The following FOSL2 variants were observed in gnomAD, a reference collection of about 807,000 sequenced individuals.
FOSL2 encodes the protein FOS like 2, AP-1 transcription factor subunit.
Under a neutral mutation model 27.7 loss-of-function variants are expected in FOSL2, and 3 were observed. The ratio of observed to expected loss-of-function variants is 0.11; its 90% confidence interval spans 0.05 to 0.28. The LOEUF is 0.28. Ranked by LOEUF, FOSL2 falls within the 10% of genes least tolerant of loss-of-function variation. FOSL2 has a pLI of 1.00. For missense variants in FOSL2, 333 were observed against 445.1 expected (o/e 0.75, Z 2.27); for synonymous variants, 179 against 190.1 (o/e 0.94, Z 0.48).
chr2:28,404,023 G>A lies in FOSL2; in HGVS notation c.103-84G>A, dbSNP rs1664026146. On this transcript the variant is annotated intron_variant, in intron 1 of 3. Transcript: ENST00000264716. The surrounding 1 kb of genome is among the most constrained non-coding windows in gnomAD (Gnocchi z 4.7). ...CTGACTGTGCTCTGTGCTGGTTTTT[G>A]CCTCAGCTCTGTTCAATTATTATTA... 1.3e-6 allele frequency: 2 copies of A among 1,520,274 alleles called. No individual in the cohort carries two copies. The highest frequency in any genetic ancestry group is 1.8e-5 in the Admixed American group (1 of 56,820). The allele number at this position is 1,520,274 out of a possible 1,614,324, so 94.2% of individuals were successfully genotyped here.
chr2:28,411,137 G>A (rs1664189010), intron 3 of FOSL2, among the ~76,000 whole-genome samples: 1 of 150,210 alleles, frequency 6.7e-6, no homozygotes, highest in Non-Finnish European at 1.5e-5. Context: ...AAGACAGAGT[G>A]AGACTCTGTC....
chr2:28,413,586 G>A lies in FOSL2; in HGVS notation c.*1138G>A, dbSNP rs897157071. On this transcript the variant is annotated 3_prime_UTR_variant, in exon 4 of 4. Transcript: ENST00000264716. ...GATGGAGAGGCAGGGGAGGGAGGCG[G>A]GAGGCCGTCACTGGAGTGGCGTCTG... The A allele has an allele frequency of 1.5e-5, 6 of 398,682 alleles. No individual in the cohort carries two copies. In the Admixed American group the frequency reaches 1.8e-4, roughly 12 times the overall value. The allele number at this position is 398,682 out of a possible 1,614,324, so 24.7% of individuals were successfully genotyped here.
In FOSL2 at chr2:28,416,028, T is replaced by TA. The variant is rs1238827915; in HGVS notation, c.*3586dup. 6.6e-6 allele frequency: 1 copy of TA among 152,140 alleles called. No individual in the cohort carries two copies. Among genetic ancestry groups the TA allele is most frequent in the Non-Finnish European group, 1.5e-5 (1 of 68,042 alleles). The allele number at this position is 152,140 out of a possible 1,614,324, so 9.4% of individuals were successfully genotyped here. A position where few individuals can be genotyped will look rare whatever the true frequency, so the allele number is the denominator to read the frequency against. Reference sequence around the variant, plus strand: ...GAATATGTGATGTGTGAATTTTCTTTAAAAAACTTAAGGAGTCTTTGCTAC... The same window carrying TA: ...GAATATGTGATGTGTGAATTTTCTTTAAAAAAACTTAAGGAGTCTTTGCTAC... On this transcript the variant is annotated 3_prime_UTR_variant, in exon 4 of 4. Transcript: ENST00000264716.
At chr2:28,411,705 C>G (rs184793250) in intron 3 of FOSL2, among the ~76,000 whole-genome samples, 1 of 151,496 alleles carries the variant, frequency 6.6e-6, no homozygotes, top group South Asian at 2.1e-4. Context: ...GTTATGGCAG[C>G]TGCAGTTGTT....
chr2:28,399,678 G>A (rs182274007), intron 1 of FOSL2, among the ~76,000 whole-genome samples: 299 of 152,260 alleles, frequency 2.0e-3, no homozygotes, highest in African/African-American at 7.1e-3. Flanking sequence ...CGGCTACCTG[G>A]GTTGGAGGAA....
chr2:28,404,047 T>C lies in FOSL2; in HGVS notation c.103-60T>C. On this transcript the variant is annotated intron_variant, in intron 1 of 3. Coordinates refer to ENST00000264716, the MANE Select transcript of FOSL2 (RefSeq NM_005253.4). This position sits in a 1 kb window ranked among gnomAD's most constrained non-coding sequence, Gnocchi z 4.7. ...TGCCTCAGCTCTGTTCAATTATTAT[T>C]AACTATCCTGTTCAGCTTAGTATTT... 2 of 1,582,700 alleles carry C rather than the reference T, an allele frequency of 1.3e-6. No homozygotes were observed. Among genetic ancestry groups the C allele is most frequent in the Non-Finnish European group, 1.7e-6 (2 of 1,156,762 alleles).
rs1056669727 is a variant in FOSL2 at position 28,412,548 on chromosome 2, G to A, written c.*100G>A. 3.0e-5 allele frequency: 42 copies of A among 1,394,872 alleles called. No individual in the cohort carries two copies. In the African/African-American group the frequency reaches 4.9e-4, roughly 16 times the overall value. 86.4% of individuals were successfully genotyped at this position (1,394,872 alleles called of 1,614,324 possible). On this transcript the variant is annotated 3_prime_UTR_variant, in exon 4 of 4. Coordinates refer to ENST00000264716, the MANE Select transcript of FOSL2 (RefSeq NM_005253.4). The surrounding 1 kb of genome is among the most constrained non-coding windows in gnomAD (Gnocchi z 7.1). ...CGCTCCAGGGCCGTGAGGGCAAGAG[G>A]GGGACCTGCCACCAGGGAGCTTCCT...
chr2:28,404,519 G>A lies in FOSL2; in HGVS notation c.354+161G>A, dbSNP rs1448998439. On this transcript the variant is annotated intron_variant, in intron 2 of 3. Coordinates refer to ENST00000264716, the MANE Select transcript of FOSL2 (RefSeq NM_005253.4). The surrounding 1 kb of genome is among the most constrained non-coding windows in gnomAD (Gnocchi z 4.7). ...CGTCATCCCCCTTACTGGAGGCCGA[G>A]CTGGAGAGCCAAGACTCAGGCTGGC... 6.6e-6 allele frequency among the ~76,000 whole-genome samples: 1 copy of A among 152,206 alleles called. No homozygotes were observed. Among genetic ancestry groups the A allele is most frequent in the East Asian group, 1.9e-4 (1 of 5,194 alleles).
chr2:28,399,088 C>A (rs1158233110), intron 1 of FOSL2, among the ~76,000 whole-genome samples: 1 of 152,200 alleles, frequency 6.6e-6, no homozygotes, highest in African/African-American at 2.4e-5. Flanking sequence ...CAGTCCCTTC[C>A]TAGATACACT....
Position 28,408,328 on chromosome 2 carries a change from A to T in FOSL2, c.355-431A>T, listed in dbSNP as rs1164582747. On this transcript the variant is annotated intron_variant, in intron 2 of 3. Coordinates refer to ENST00000264716, the MANE Select transcript of FOSL2 (RefSeq NM_005253.4). The surrounding 1 kb of genome is among the most constrained non-coding windows in gnomAD (Gnocchi z 4.1). The stretch of plus-strand genomic sequence containing the variant: ...GAGCAGGCAGAGTGATGGGAGGAGA[A>T]ATTAGCCAGGGTTTGGAAGAAGCTG... Among the ~76,000 whole-genome samples, 2 of 152,152 alleles carry T rather than the reference A, an allele frequency of 1.3e-5. No individual in the cohort carries two copies. Among genetic ancestry groups the T allele is most frequent in the East Asian group, 1.9e-4 (1 of 5,184 alleles).
rs1451719970 is a variant in FOSL2 at position 28,416,138 on chromosome 2, A to G, written c.*3690A>G. On this transcript the variant is annotated 3_prime_UTR_variant, in exon 4 of 4. Transcript: ENST00000264716. ...GACAGGTTGGGCTGTGTGTGTGCGC[A>G]TGTGTGTATACATTTCCAGGCGTGC... 1 of 152,026 alleles carries G rather than the reference A, an allele frequency of 6.6e-6. No homozygotes were observed. Among genetic ancestry groups the G allele is most frequent in the Admixed American group, 6.6e-5 (1 of 15,250 alleles). 9.4% of individuals were successfully genotyped at this position (152,026 alleles called of 1,614,324 possible). A position where few individuals can be genotyped will look rare whatever the true frequency, so the allele number is the denominator to read the frequency against.
chr2:28,407,944 A>T (rs958843082), intron 2 of FOSL2, among the ~76,000 whole-genome samples: 1 of 152,202 alleles, frequency 6.6e-6, no homozygotes, highest in Non-Finnish European at 1.5e-5. Flanking sequence ...TTTGCAGGGG[A>T]ATCTTCCTTT....
In FOSL2 at chr2:28,393,784, C is replaced by A; in HGVS notation, c.64C>A (p.His22Asn). Residue 22 changes from histidine (H) to asparagine (N), a missense_variant, in exon 1 of 4, where the codon CAC (histidine) becomes AAC (asparagine). His to Asn is a moderately conservative substitution (Grantham distance 68, BLOSUM62 1). This residue lies in a region of FOSL2 where 131 missense variants were observed against 157.9 expected (regional missense o/e 0.83). Coordinates refer to ENST00000264716, the MANE Select transcript of FOSL2 (RefSeq NM_005253.4). The surrounding 1 kb of genome is among the most constrained non-coding windows in gnomAD (Gnocchi z 4.6). ...SSRGSSGSPA[H>N]AESYSSGGGG... Reference sequence around the variant, plus strand: ...CCGGGGCAGCAGCGGCTCTCCTGCGCACGCCGAGTCCTACTCCAGCGGCGG... The same window carrying A: ...CCGGGGCAGCAGCGGCTCTCCTGCGAACGCCGAGTCCTACTCCAGCGGCGG... 3 of 1,607,484 alleles carry A rather than the reference C, an allele frequency of 1.9e-6. No individual in the cohort carries two copies. Among genetic ancestry groups the A allele is most frequent in the Non-Finnish European group, 1.7e-6 (2 of 1,177,664 alleles).
At chr2:28,403,944 G>C (rs747135993) in intron 1 of FOSL2, among the ~76,000 whole-genome samples, 163 bp from the exon 2 acceptor site, 1 of 152,174 alleles carries the variant, frequency 6.6e-6, no homozygotes, top group Non-Finnish European at 1.5e-5. Flanking sequence ...TTGATTCTTG[G>C]ATGCACAGGA....
In FOSL2 at chr2:28,414,400, G is replaced by T. The variant is rs1664272267; in HGVS notation, c.*1952G>T. 6.6e-6 allele frequency: 1 copy of T among 152,154 alleles called. No individual in the cohort carries two copies. Among genetic ancestry groups the T allele is most frequent in the South Asian group, 2.1e-4 (1 of 4,828 alleles). 9.4% of individuals were successfully genotyped at this position (152,154 alleles called of 1,614,324 possible). On this transcript the variant is annotated 3_prime_UTR_variant, in exon 4 of 4. Transcript: ENST00000264716. ...AAATACTTTAAAAATGTTATTTCCT[G>T]CATCCCTTGGCTGTGATGCCCCTCT...
chr2:28,409,961 G>A (rs529890550), intron 3 of FOSL2, among the ~76,000 whole-genome samples: 74 of 152,228 alleles, frequency 4.9e-4, no homozygotes, highest in African/African-American at 1.7e-3. Context: ...GGCTGGTCTC[G>A]AACTCCTGAC....
intron 1 of FOSL2, chr2:28,394,423 A>ATGCCGCCTGTG (rs1663762854): frequency 6.5e-6 from 1 of 152,708 alleles, no homozygotes; most frequent in Non-Finnish European, 1.5e-5. Context: ...TGGTTGGCTC[A>ATGCCGCCTGTG]TGCCGCCTGT....
intron 1 of FOSL2, among the ~76,000 whole-genome samples, chr2:28,402,280 A>G (rs978877924): frequency 6.6e-6 from 1 of 152,172 alleles, no homozygotes; most frequent in Non-Finnish European, 1.5e-5. Flanking sequence ...ACTTTCCTCC[A>G]GAATCCCAGA....
At chr2:28,402,271 CTT>C (rs1164209492) in intron 1 of FOSL2, among the ~76,000 whole-genome samples, 5 of 152,252 alleles carry the variant, frequency 3.3e-5, no homozygotes, top group Non-Finnish European at 1.5e-5. Context: ...CACTGGGTAA[CTT>C]TCCTCCAGAA....
Sources: allele counts gnomAD v4.1 joint callset (sites outside exome capture counted in the v4.1 genomes callset), GRCh38; gene constraint gnomAD v4.1.1; regional missense constraint gnomAD v4.1.1; non-coding constraint Gnocchi (gnomAD v3.1); transcripts MANE v1.5; gene names NCBI Gene and HGNC (gene_info 2026-07-23, HGNC 2026-07-21).